The following CALN1 variants were observed in gnomAD, a reference collection of about 807,000 sequenced individuals.
The protein encoded by CALN1 is calcium-binding protein 8.
Under a neutral mutation model 30.6 loss-of-function variants are expected in CALN1, and 17 were observed. The observed-to-expected ratio is 0.56, with a 90% CI of 0.38 to 0.83. The LOEUF is 0.83. Among genes scored for constraint, CALN1 ranks in the 40% least tolerant of loss-of-function variants. The pLI, the probability that CALN1 is intolerant of heterozygous loss-of-function variation, is 0.00. For synonymous variants in CALN1, 156 were observed against 131.4 expected (o/e 1.19, Z -1.28); for missense variants, 291 against 354.9 (o/e 0.82, Z 1.45).
intron 5 of CALN1, among the ~76,000 whole-genome samples, chr7:71,948,493 G>A (rs10248898): frequency 0.18 from 26,653 of 151,986 alleles, 2,412 homozygotes; most frequent in Middle Eastern, 0.24. Context: ...ACTTTGGGAG[G>A]CTGAGGCGGG....
chr7:72,152,706 C>A (rs974650101), intron 3 of CALN1, among the ~76,000 whole-genome samples: 8 of 152,056 alleles, frequency 5.3e-5, no homozygotes, highest in Non-Finnish European at 1.0e-4. Flanking sequence ...AGCTACCAGC[C>A]GAGAGAGAGG....
intron 3 of CALN1, among the ~76,000 whole-genome samples, chr7:72,231,564 C>T (rs148449020): frequency 1.2e-3 from 181 of 152,184 alleles, no homozygotes; most frequent in African/African-American, 4.2e-3. Flanking sequence ...CATGTCTTTG[C>T]TGTTGTGAAT....
intron 5 of CALN1, among the ~76,000 whole-genome samples, chr7:71,982,475 T>C (rs972239831): frequency 6.6e-6 from 1 of 152,098 alleles, no homozygotes; most frequent in Non-Finnish European, 1.5e-5. Context: ...GTGCCTGTAA[T>C]CCCAGCTACT....
At chr7:71,963,676 C>T (rs762137476) in intron 5 of CALN1, among the ~76,000 whole-genome samples, 11 of 152,122 alleles carry the variant, frequency 7.2e-5, no homozygotes, top group Admixed American at 2.0e-4. Flanking sequence ...TTTTCCCTTA[C>T]CCCCTTGGTC....
At chr7:72,415,252 G>C (rs1182854618), upstream of CALN1, among the ~76,000 whole-genome samples, 1 of 152,342 alleles carries the variant, frequency 6.6e-6, no homozygotes, top group South Asian at 2.1e-4. Flanking sequence ...CCCTGTGGGA[G>C]CACCTGGGTC....
chr7:72,021,849 A>AC (rs1462560062), intron 5 of CALN1, among the ~76,000 whole-genome samples: 2 of 151,742 alleles, frequency 1.3e-5, no homozygotes, highest in Non-Finnish European at 2.9e-5. Context: ...CTTGACCCTC[A>AC]CCTTCTACTC....
At chr7:72,500,266 C>CTTTT in the CALN1 span, among the ~76,000 whole-genome samples, 1 of 76,800 alleles carries the variant, frequency 1.3e-5, no homozygotes, top group East Asian at 4.4e-4. Flanking sequence ...CTGTTCGTTC[C>CTTTT]TTCTTTTTTT....
At chr7:72,421,952 C>T (rs781775835) in intron 1 of CALN1, among the ~76,000 whole-genome samples, 8 of 152,142 alleles carry the variant, frequency 5.3e-5, no homozygotes, top group Non-Finnish European at 7.3e-5. Flanking sequence ...CTGCAAAAGA[C>T]ATTATTTCAT....
intron 2 of CALN1, among the ~76,000 whole-genome samples, chr7:72,363,532 C>T (rs190231243): frequency 5.9e-4 from 90 of 151,922 alleles, no homozygotes; most frequent in Admixed American, 1.7e-3. Context: ...AGCCACTGCA[C>T]CTGGCCTAAT....
At chr7:71,942,195 C>G (rs1158560847) in intron 5 of CALN1, 1 of 169,284 alleles carries the variant, frequency 5.9e-6, no homozygotes, top group African/African-American at 2.4e-5. Context: ...AAGTCTCTGT[C>G]TCAAAAACGA....
At chr7:72,309,749 T>C (rs1799913772) in intron 2 of CALN1, among the ~76,000 whole-genome samples, 2 of 152,290 alleles carry the variant, frequency 1.3e-5, no homozygotes, top group South Asian at 4.1e-4. Flanking sequence ...CTTCCCACAT[T>C]CTGCTCCAAG....
At chr7:72,381,780 A>T (rs568100687) in intron 2 of CALN1, among the ~76,000 whole-genome samples, 73 of 152,324 alleles carry the variant, frequency 4.8e-4, no homozygotes, top group Non-Finnish European at 8.8e-5. Context: ...TGACGGGTTG[A>T]TAGGTGCAGC....
intron 2 of CALN1, among the ~76,000 whole-genome samples, chr7:72,318,811 G>A (rs1476078332): frequency 7.6e-6 from 1 of 131,844 alleles, no homozygotes; most frequent in Admixed American, 8.9e-5. Context: ...CTCAGCCTCT[G>A]GAGTAGCTGG....
chr7:72,293,143 A>G (rs1445482540), intron 2 of CALN1, among the ~76,000 whole-genome samples: 1 of 152,178 alleles, frequency 6.6e-6, no homozygotes, highest in Admixed American at 6.5e-5. Context: ...CAGTTCAACA[A>G]GAGGATTTAA....
In CALN1 at chr7:72,321,337, T is replaced by G. The variant is rs73129597; in HGVS notation, c.120-42527A>C. Among the ~76,000 whole-genome samples, 593 of 152,260 alleles carry G rather than the reference T, an allele frequency of 3.9e-3. 2 individuals carry two copies. The highest frequency in any genetic ancestry group is 7.3e-3 in the Non-Finnish European group (497 of 68,014). On this transcript the variant is annotated intron_variant, in intron 2 of 6. Coordinates refer to ENST00000395275, the MANE Select transcript of CALN1 (RefSeq NM_031468.4). ...AAAAAAGGATCCAACGAAATACAAC[T>G]TATTAGTCATCACGCGTTGAGCACA...
intron 2 of CALN1, among the ~76,000 whole-genome samples, chr7:72,308,205 A>C (rs1799781620): frequency 6.6e-6 from 1 of 152,128 alleles, no homozygotes; most frequent in African/African-American, 2.4e-5. Flanking sequence ...CTCTACTAAA[A>C]ATACAAAAAT....
At chr7:72,492,064 C>T in the CALN1 span, among the ~76,000 whole-genome samples, 1 of 152,180 alleles carries the variant, frequency 6.6e-6, no homozygotes, top group Non-Finnish European at 1.5e-5. Flanking sequence ...TACCCTTGGG[C>T]TCAAAGGATC....
At chr7:71,921,764 G>A (rs1584514922) in intron 5 of CALN1, among the ~76,000 whole-genome samples, 1 of 152,092 alleles carries the variant, frequency 6.6e-6, no homozygotes, top group Admixed American at 6.6e-5. Context: ...TCTAGCCTGG[G>A]ACACATAATC....
At chr7:72,274,188 G>A (rs1914386) in intron 3 of CALN1, among the ~76,000 whole-genome samples, 28,511 of 152,044 alleles carry the variant, frequency 0.19, 3,696 homozygotes, top group East Asian at 0.43. Context: ...AACTTCAGAT[G>A]GAGGTGAATT....
Sources: gnomAD v4.1 joint callset for allele counts (sites outside exome capture counted in the v4.1 genomes callset) on GRCh38, gnomAD v4.1.1 for gene constraint, MANE v1.5 for transcripts, NCBI Gene and HGNC (gene_info 2026-07-23, HGNC 2026-07-21) for gene names.